The following SLC7A14 variants were observed in gnomAD, a reference collection of about 807,000 sequenced individuals.
SLC7A14 encodes the protein solute carrier family 7 member 14.
Under a neutral mutation model 60.2 loss-of-function variants are expected in SLC7A14, and 37 were observed. That is an observed-to-expected ratio of 0.61 (90% CI 0.47 to 0.81). SLC7A14 has a LOEUF of 0.81. Among genes scored for constraint, SLC7A14 ranks in the 30% least tolerant of loss-of-function variants. The probability of loss-of-function intolerance (pLI) is 0.00; values close to 1 mark genes in which losing one functional copy is unlikely to be tolerated. For synonymous variants in SLC7A14, 399 were observed against 395.8 expected, an observed-to-expected ratio of 1.01 and a Z score of -0.10; for missense variants, 886 against 982.7, an observed-to-expected ratio of 0.90 and a Z score of 1.32.
intron 7 of SLC7A14, among the ~76,000 whole-genome samples, chr3:170,477,058 G>A (rs1711638581): frequency 6.6e-6 from 1 of 152,240 alleles, no homozygotes; most frequent in Admixed American, 6.5e-5. Flanking sequence ...GGGACCCTGT[G>A]CACAGCTGTG....
In SLC7A14 at chr3:170,466,911, G is replaced by T. The variant is rs1387657164; in HGVS notation, c.*144C>A. On this transcript the variant is annotated 3_prime_UTR_variant, in exon 8 of 8. Transcript: ENST00000231706. ...AGAACTATCCTGAAGAGCAAAAGTA[G>T]CAAATGACAGGCTATGACTAGGGAT... is the stretch of plus-strand genomic sequence containing the variant. 5.6e-6 allele frequency: 4 copies of T among 709,108 alleles called. No homozygotes were observed. Among genetic ancestry groups the T allele is most frequent in the Non-Finnish European group, 9.4e-6 (4 of 424,294 alleles). 43.9% of individuals were successfully genotyped at this position (709,108 alleles called of 1,614,324 possible).
chr3:170,497,572 C>G (rs868565446), intron 4 of SLC7A14, among the ~76,000 whole-genome samples: 1 of 152,234 alleles, frequency 6.6e-6, no homozygotes, highest in Non-Finnish European at 1.5e-5. Context: ...GTCATCAGTT[C>G]TAGGCAGACT....
At chr3:170,496,758 C>T (rs1712411198) in intron 4 of SLC7A14, 1 of 744,432 alleles carries the variant, frequency 1.3e-6, no homozygotes, top group African/African-American at 1.7e-5. Context: ...TAAGCTCCAG[C>T]TTTGGCTCTG....
intron 6 of SLC7A14, 55 bp downstream of exon 6, chr3:170,483,259 T>C: frequency 1.3e-6 from 2 of 1,596,576 alleles, no homozygotes; most frequent in South Asian, 1.1e-5. Context: ...GGGTAGACAT[T>C]CTCCCTGGAC....
At chr3:170,501,417 G>A (rs1248180064) in intron 2 of SLC7A14, 72 bp from the exon 3 acceptor site, 2 of 1,283,232 alleles carry the variant, frequency 1.6e-6, no homozygotes, top group South Asian at 1.2e-5. Context: ...AACAATCTTG[G>A]GTGGAACATA....
At chr3:170,534,573 T>C (rs17217398) in intron 1 of SLC7A14, among the ~76,000 whole-genome samples, 23,715 of 152,116 alleles carry the variant, frequency 0.16, 1,850 homozygotes, top group Admixed American at 0.19. Flanking sequence ...TCTGAGGCTG[T>C]TTTCTCTGAA....
chr3:170,505,086 A>C (rs1043812570), intron 2 of SLC7A14, among the ~76,000 whole-genome samples: 7 of 152,190 alleles, frequency 4.6e-5, no homozygotes, highest in Admixed American at 2.6e-4. Context: ...TCCATTTTAC[A>C]TATACACACA....
rs373651515 is a variant in SLC7A14 at position 170,585,611 on chromosome 3, C to T, written c.-153+300G>A. Among the ~76,000 whole-genome samples the T allele has an allele frequency of 6.6e-6, 1 of 152,162 alleles. No individual in the cohort carries two copies. Among genetic ancestry groups the T allele is most frequent in the African/African-American group, 2.4e-5 (1 of 41,444 alleles). On this transcript the variant is annotated intron_variant, in intron 1 of 7. Transcript: ENST00000231706. This position sits in a 1 kb window ranked among gnomAD's most constrained non-coding sequence, Gnocchi z 5.1. The stretch of plus-strand genomic sequence containing the variant: ...TCTAGCGGCGCCGGAGCCGCGCTGG[C>T]CCCCGCCCCGCCCGGCAGCTCCCGC...
chr3:170,482,064 T>A (rs1577501137), intron 6 of SLC7A14, among the ~76,000 whole-genome samples: 2 of 152,196 alleles, frequency 1.3e-5, no homozygotes, highest in Admixed American at 1.3e-4. Context: ...ATGGGTTTAG[T>A]TGGCAAAATA....
intron 2 of SLC7A14, among the ~76,000 whole-genome samples, chr3:170,512,164 A>G (rs1185529052): frequency 1.3e-5 from 2 of 152,108 alleles, no homozygotes; most frequent in African/African-American, 4.8e-5. Context: ...TCTGTGGGGG[A>G]TCAGCCATAC....
At chr3:170,501,502 C>T (rs1405584506) in intron 2 of SLC7A14, among the ~76,000 whole-genome samples, 157 bp from the exon 3 acceptor site, 2 of 152,222 alleles carry the variant, frequency 1.3e-5, no homozygotes, top group Non-Finnish European at 2.9e-5. Flanking sequence ...CAACTCTTAC[C>T]TCTTCCAACC....
intron 1 of SLC7A14, among the ~76,000 whole-genome samples, chr3:170,558,170 C>G (rs1461827287): frequency 6.6e-6 from 1 of 152,142 alleles, no homozygotes; most frequent in Non-Finnish European, 1.5e-5. Flanking sequence ...GAGTTCAAGA[C>G]CAGCCTGGCC....
chr3:170,481,555 C>A (rs1436321284), intron 6 of SLC7A14, among the ~76,000 whole-genome samples: 1 of 151,990 alleles, frequency 6.6e-6, no homozygotes, highest in Non-Finnish European at 1.5e-5. Context: ...GCATGCACCA[C>A]TACACCCGGC....
At chr3:170,584,029 G>T (rs993125302) in intron 1 of SLC7A14, among the ~76,000 whole-genome samples, 4 of 152,182 alleles carry the variant, frequency 2.6e-5, no homozygotes, top group African/African-American at 9.7e-5. Flanking sequence ...AAATAGATCT[G>T]ATTTTGAATC....
At chr3:170,487,442 T>C (rs565318687) in intron 4 of SLC7A14, among the ~76,000 whole-genome samples, 1 of 152,056 alleles carries the variant, frequency 6.6e-6, no homozygotes, top group Admixed American at 6.5e-5. Context: ...AAGCAAGCCC[T>C]AGCCAGTGGT....
intron 1 of SLC7A14, among the ~76,000 whole-genome samples, chr3:170,539,553 A>C (rs545934825): frequency 1.3e-5 from 2 of 152,206 alleles, no homozygotes; most frequent in Non-Finnish European, 2.9e-5. Flanking sequence ...CGAGTAATTT[A>C]TCTTGATTTG....
chr3:170,480,358 C>A lies in SLC7A14; in HGVS notation c.1924G>T (p.Val642Leu), dbSNP rs767567265. 8 of 1,600,220 alleles carry A rather than the reference C, an allele frequency of 5.0e-6. No individual in the cohort carries two copies. The highest frequency in any genetic ancestry group is 6.8e-6 in the Non-Finnish European group (8 of 1,172,838). Residue 642 changes from valine (V) to leucine (L), a missense_variant, in exon 7 of 8, where the codon GTG (valine) becomes TTG (leucine). Val to Leu is a conservative substitution (Grantham distance 32). Coordinates refer to ENST00000231706, the MANE Select transcript of SLC7A14 (RefSeq NM_020949.3). ...LPFVPAFAMLVNIYLMLKLST... is the reference protein window; with the variant it reads ...LPFVPAFAMLLNIYLMLKLST... ...AGCTTTAGCATGAGATAGATGTTCA[C>A]CAGCATGGCAAAGGCAGGCACAAAG...
chr3:170,469,884 C>A (rs1322714194), intron 7 of SLC7A14, among the ~76,000 whole-genome samples: 1 of 152,106 alleles, frequency 6.6e-6, no homozygotes, highest in Non-Finnish European at 1.5e-5. Flanking sequence ...TCTGCCACCA[C>A]AAAGGTCATT....
chr3:170,529,241 C>T (rs998834843), intron 1 of SLC7A14, among the ~76,000 whole-genome samples: 2 of 152,150 alleles, frequency 1.3e-5, no homozygotes, highest in Admixed American at 1.3e-4. Flanking sequence ...TAACTACACA[C>T]CTATTTGAAT....
Sources: gnomAD v4.1 joint callset for allele counts (sites outside exome capture counted in the v4.1 genomes callset) on GRCh38, gnomAD v4.1.1 for gene constraint, Gnocchi (gnomAD v3.1) non-coding constraint, MANE v1.5 for transcripts, NCBI Gene and HGNC (gene_info 2026-07-23, HGNC 2026-07-21) for gene names.